Variants in PITPNB observed in about 807,000 individuals in gnomAD.
The protein encoded by PITPNB is phosphatidylinositol transfer protein beta, also known as phosphatidylinositol transfer protein beta isoform.
Under a neutral mutation model 45.9 loss-of-function variants are expected in PITPNB, and 16 were observed. That is an observed-to-expected ratio of 0.35 (90% CI 0.24 to 0.53). PITPNB has a LOEUF of 0.53. Ranked by LOEUF, PITPNB falls within the 20% of genes least tolerant of loss-of-function variation. The pLI, the probability that PITPNB is intolerant of heterozygous loss-of-function variation, is 0.93. For missense variants in PITPNB, 188 were observed against 330.5 expected, an observed-to-expected ratio of 0.57 and a Z score of 3.34; for synonymous variants, 112 against 108.9, an observed-to-expected ratio of 1.03 and a Z score of -0.18.
At chr22:27,901,905 T>C (rs1218290841) in intron 3 of PITPNB, among the ~76,000 whole-genome samples, 2 of 151,604 alleles carry the variant, frequency 1.3e-5, no homozygotes, top group Non-Finnish European at 2.9e-5. Flanking sequence ...AATAAATATA[T>C]ATATACCTAC....
chr22:27,886,751 A>C (rs1569020216), intron 7 of PITPNB, among the ~76,000 whole-genome samples: 1 of 152,222 alleles, frequency 6.6e-6, no homozygotes. Context: ...GGAGTTTCAA[A>C]TTCTTGGTTT....
chr22:27,863,152 T>C (rs1225587588), intron 8 of PITPNB, among the ~76,000 whole-genome samples: 1 of 152,188 alleles, frequency 6.6e-6, no homozygotes, highest in African/African-American at 2.4e-5. Context: ...TTGTGAGATA[T>C]AGCTGCCAAA....
At position 27,853,516 on chromosome 22, in the gene PITPNB, T is replaced by C. The variant is rs1161547944; in HGVS notation, c.*186A>G. On this transcript the variant is annotated 3_prime_UTR_variant, in exon 12 of 12. Transcript: ENST00000335272. ...CTACAGACATATGCACACATACATA[T>C]ATACACACGTGGTTGAGAACCTGTG... The C allele has an allele frequency of 1.1e-6, 1 of 898,782 alleles. No individual in the cohort carries two copies. Among genetic ancestry groups the C allele is most frequent in the East Asian group, 2.6e-5 (1 of 38,036 alleles). The allele number at this position is 898,782 out of a possible 1,614,324, so 55.7% of individuals were successfully genotyped here.
intron 8 of PITPNB, among the ~76,000 whole-genome samples, chr22:27,868,621 G>A (rs934592905): frequency 6.6e-6 from 1 of 152,160 alleles, no homozygotes; most frequent in Non-Finnish European, 1.5e-5. Context: ...GGCCAAGCTC[G>A]GACTGCTGGA....
chr22:27,871,052 G>A (rs893931067), intron 8 of PITPNB, among the ~76,000 whole-genome samples: 1 of 151,968 alleles, frequency 6.6e-6, no homozygotes, highest in Admixed American at 6.6e-5. Context: ...AACACAGGGG[G>A]GAAAATGGAA....
At chr22:27,870,223 A>C (rs1219531645) in intron 8 of PITPNB, among the ~76,000 whole-genome samples, 1 of 152,238 alleles carries the variant, frequency 6.6e-6, no homozygotes. Flanking sequence ...TATAAAATAA[A>C]GCAGCTGAAC....
intron 8 of PITPNB, among the ~76,000 whole-genome samples, chr22:27,871,664 T>TTACA (rs1213763057): frequency 6.6e-6 from 1 of 152,188 alleles, no homozygotes; most frequent in Non-Finnish European, 1.5e-5. Context: ...TAAAGCAAAT[T>TTACA]TACATCAAGC....
intron 8 of PITPNB, among the ~76,000 whole-genome samples, chr22:27,861,803 G>A (rs1934342081): frequency 6.6e-6 from 1 of 152,226 alleles, no homozygotes; most frequent in African/African-American, 2.4e-5. Context: ...TGCGGACTGA[G>A]TAAGGCAGTG....
chr22:27,858,355 T>C, intron 10 of PITPNB, 32 bp downstream of exon 10: 1 of 1,560,382 alleles, frequency 6.4e-7, no homozygotes, highest in South Asian at 1.2e-5. Flanking sequence ...AAAGGGAAAA[T>C]TAGAGAATTG....
intron 3 of PITPNB, among the ~76,000 whole-genome samples, chr22:27,910,148 C>CA (rs2146425359): frequency 6.6e-6 from 1 of 152,094 alleles, no homozygotes; most frequent in East Asian, 1.9e-4. Context: ...GACAGGGTTT[C>CA]ACCATGCTGA....
chr22:27,858,614 G>T (rs1480017494), intron 9 of PITPNB, 105 bp from the exon 10 acceptor site: 14 of 799,454 alleles, frequency 1.8e-5, no homozygotes, highest in Admixed American at 2.8e-5. Flanking sequence ...TACACATTTG[G>T]TTCAAAAAGA....
chr22:27,895,048 T>A (rs540209703), intron 6 of PITPNB, among the ~76,000 whole-genome samples: 1 of 152,312 alleles, frequency 6.6e-6, no homozygotes, highest in African/African-American at 2.4e-5. Flanking sequence ...ATGCACTGTA[T>A]GGTCTAAAAT....
At position 27,897,830 on chromosome 22, in the gene PITPNB, G is replaced by C; in HGVS notation, c.260C>G (p.Ala87Gly). The C allele has an allele frequency of 6.2e-7, 1 of 1,613,736 alleles. No homozygotes were observed. The highest frequency in any genetic ancestry group is 8.5e-7 in the Non-Finnish European group (1 of 1,179,634). ...PEGSLVFHEK[A>G]WNAYPYCRTI... is the part of the protein sequence containing the mutation. ...TCTACAGTAGGGGTACGCATTCCAGGCTTTCTCATGAAACACCAAGGAGCC... is the reference window on the plus strand; with the variant it reads ...TCTACAGTAGGGGTACGCATTCCAGCCTTTCTCATGAAACACCAAGGAGCC... The change falls in exon 4 of 12, where the codon GCC becomes GGC. Residue 87 changes from alanine (A) to glycine (G), a missense_variant. Physicochemically the swap from Ala to Gly is moderately conservative, Grantham distance 60. Coordinates refer to ENST00000335272, the MANE Select transcript of PITPNB (RefSeq NM_012399.5).
chr22:27,884,563 C>T lies in PITPNB; in HGVS notation c.456+9992G>A, dbSNP rs562853116. ...TGTCTCTTCCTTTCAAGAACATCAT[C>T]CTTGGTGATGCTGAAAAGCCATGGT... On this transcript the variant is annotated intron_variant, in intron 7 of 11. Coordinates refer to ENST00000335272, the MANE Select transcript of PITPNB (RefSeq NM_012399.5). Among the ~76,000 whole-genome samples, 17 of 152,286 alleles carry T rather than the reference C, an allele frequency of 1.1e-4. No individual in the cohort carries two copies. The South Asian group carries it at 1.2e-3, about 11-fold the overall frequency.
At chr22:27,881,447 T>C (rs1373243047) in intron 7 of PITPNB, among the ~76,000 whole-genome samples, 1 of 152,232 alleles carries the variant, frequency 6.6e-6, no homozygotes, top group Non-Finnish European at 1.5e-5. Context: ...AACACATTTT[T>C]AAGACAGAAA....
rs1376746434 is a variant in PITPNB, at chr22:27,880,125, G to A, written c.457-6310C>T. ...GTACTGGACTATCACCACCACTAGG[G>A]GCAGGGAAGTGAAATTCTTTGCCAG... On this transcript the variant is annotated intron_variant, in intron 7 of 11. Coordinates refer to ENST00000335272, the MANE Select transcript of PITPNB (RefSeq NM_012399.5). 3.9e-5 allele frequency among the ~76,000 whole-genome samples: 6 copies of A among 152,144 alleles called. No homozygotes were observed. In the East Asian group the frequency reaches 9.6e-4, roughly 24 times the overall value.
chr22:27,861,484 C>T (rs573409397), intron 8 of PITPNB, among the ~76,000 whole-genome samples: 2 of 152,244 alleles, frequency 1.3e-5, no homozygotes, highest in Non-Finnish European at 2.9e-5. Context: ...TTGCAGCATA[C>T]ATCAGTGACT....
Position 27,887,116 on chromosome 22 carries a change from A to T in PITPNB, c.456+7439T>A, listed in dbSNP as rs536345019. On this transcript the variant is annotated intron_variant, in intron 7 of 11. Coordinates refer to ENST00000335272, the MANE Select transcript of PITPNB (RefSeq NM_012399.5). ...ATCATGAAATTTTAAATTGGGTAAG[A>T]CTATAGACAGTGATTTACCTGACTT... Among the ~76,000 whole-genome samples, 3 of 152,342 alleles carry T rather than the reference A, an allele frequency of 2.0e-5. No homozygotes were observed. The East Asian group carries it at 5.8e-4, about 29-fold the overall frequency.
chr22:27,896,764 T>C (rs892995935), intron 5 of PITPNB, 138 bp from the exon 6 acceptor site: 39 of 631,284 alleles, frequency 6.2e-5, no homozygotes, highest in Middle Eastern at 2.5e-4. Flanking sequence ...CAAAGAATCA[T>C]TGGCTACCGA....
Sources: allele counts gnomAD v4.1 joint callset (sites outside exome capture counted in the v4.1 genomes callset), GRCh38; gene constraint gnomAD v4.1.1; transcripts MANE v1.5; gene names NCBI Gene and HGNC (gene_info 2026-07-23, HGNC 2026-07-21).